PCED1B: variants seen among roughly 807,000 people sequenced by gnomAD.
PCED1B encodes PC-esterase domain containing 1B, also known as PC-esterase domain-containing protein 1B.
For synonymous variants in PCED1B, 251 were observed against 246.1 expected (o/e 1.02, Z -0.19); for missense variants, 573 against 573.9 (o/e 1.00, Z 0.02).
intron 2 of PCED1B, among the ~76,000 whole-genome samples, chr12:47,199,208 A>T (rs1292986583): frequency 1.3e-5 from 2 of 152,162 alleles, no homozygotes. Context: ...GGACCTATAT[A>T]AGGAAAACTA....
At chr12:47,211,913 A>C (rs1335891824) in intron 2 of PCED1B, among the ~76,000 whole-genome samples, 1 of 151,330 alleles carries the variant, frequency 6.6e-6, no homozygotes, top group Non-Finnish European at 1.5e-5. Flanking sequence ...GTCTCTACTA[A>C]AAATACAAAA....
chr12:47,200,721 C>T (rs1942737980), intron 2 of PCED1B, among the ~76,000 whole-genome samples: 1 of 152,238 alleles, frequency 6.6e-6, no homozygotes, highest in Non-Finnish European at 1.5e-5. Context: ...CACCAAATGC[C>T]TTGCTGATAT....
At chr12:47,130,230 C>T (rs1940068381) in intron 2 of PCED1B, among the ~76,000 whole-genome samples, 1 of 151,862 alleles carries the variant, frequency 6.6e-6, no homozygotes, top group Admixed American at 6.6e-5. Flanking sequence ...TAAAAAGTCA[C>T]TTAATATATT....
chr12:47,192,247 G>A (rs1225590158), intron 2 of PCED1B, among the ~76,000 whole-genome samples: 1 of 147,476 alleles, frequency 6.8e-6, no homozygotes, highest in African/African-American at 2.5e-5. Context: ...AATGCATGTT[G>A]ATTATAAGTA....
At chr12:47,169,407 T>C (rs547025680) in intron 2 of PCED1B, among the ~76,000 whole-genome samples, 98 of 152,200 alleles carry the variant, frequency 6.4e-4, no homozygotes, top group African/African-American at 2.3e-3. Context: ...TGTCAGAGTG[T>C]CCTTTCTGTA....
At chr12:47,129,754 G>C (rs951419943) in intron 2 of PCED1B, among the ~76,000 whole-genome samples, 2 of 152,188 alleles carry the variant, frequency 1.3e-5, no homozygotes, top group Non-Finnish European at 2.9e-5. Flanking sequence ...GAATCACAAG[G>C]TACAAAGGAT....
At chr12:47,214,820 G>C (rs1207763206) in intron 2 of PCED1B, among the ~76,000 whole-genome samples, 1 of 152,132 alleles carries the variant, frequency 6.6e-6, no homozygotes, top group Non-Finnish European at 1.5e-5. Context: ...GCTTTTCAGA[G>C]ATACTCTTGT....
intron 2 of PCED1B, among the ~76,000 whole-genome samples, chr12:47,184,114 C>T (rs868591964): frequency 3.9e-5 from 6 of 152,232 alleles, no homozygotes; most frequent in East Asian, 1.9e-4. Flanking sequence ...TGGGCTAAAG[C>T]GATTCTCCCA....
rs1053727967 is a variant in PCED1B, at chr12:47,117,526, C to CTCA, written c.-526+13334_-526+13336dup. 7.9e-5 allele frequency among the ~76,000 whole-genome samples: 12 copies of CTCA among 152,320 alleles called. No individual in the cohort carries two copies. In the East Asian group the frequency reaches 1.9e-3, roughly 25 times the overall value. On this transcript the variant is annotated intron_variant, in intron 2 of 3. Coordinates refer to ENST00000546455, the MANE Select transcript of PCED1B (RefSeq NM_138371.3). The stretch of plus-strand genomic sequence containing the variant: ...TCCATGTCCCTACAAAGGACATGAA[C>CTCA]TCATCCTTCTTTATGGCTGCATAGT...
In PCED1B at chr12:47,157,443, G is replaced by A. The variant is rs548956996; in HGVS notation, c.-526+53248G>A. Among the ~76,000 whole-genome samples the A allele has an allele frequency of 9.7e-4, 147 of 152,056 alleles. 1 individual carries two copies. The highest frequency in any genetic ancestry group is 3.4e-3 in the African/African-American group (143 of 41,476). On this transcript the variant is annotated intron_variant, in intron 2 of 3. Transcript: ENST00000546455. Reference sequence around the variant, plus strand: ...GTCTCTGTAAGAAACTTTAAAAATTGGCCAGGCATGGTTGTGTGTGCCTGC... The same window carrying A: ...GTCTCTGTAAGAAACTTTAAAAATTAGCCAGGCATGGTTGTGTGTGCCTGC...
At chr12:47,200,932 G>T (rs1447984717) in intron 2 of PCED1B, among the ~76,000 whole-genome samples, 1 of 152,200 alleles carries the variant, frequency 6.6e-6, no homozygotes, top group African/African-American at 2.4e-5. Context: ...ATAGACATTT[G>T]TTTGAAGTTA....
chr12:47,236,174 G>A lies in PCED1B; in HGVS notation c.1111G>A (p.Asp371Asn), dbSNP rs749019266. 3.1e-6 allele frequency: 5 copies of A among 1,614,104 alleles called. No individual in the cohort carries two copies. Among genetic ancestry groups the A allele is most frequent in the Non-Finnish European group, 2.5e-6 (3 of 1,180,022 alleles). Residue 371 changes from aspartate (D) to asparagine (N), a missense_variant, in exon 4 of 4, where the codon GAC becomes AAC. Asp to Asn is a conservative substitution (Grantham distance 23). Transcript: ENST00000546455. ...SSAHAGFFVE[D>N]NFMVGPQLPM... Reference sequence around the variant, plus strand: ...AGCCCATGCAGGTTTCTTCGTCGAAGACAATTTTATGGTTGGTCCTCAGCT... The same window carrying A: ...AGCCCATGCAGGTTTCTTCGTCGAAAACAATTTTATGGTTGGTCCTCAGCT...
intron 3 of PCED1B, among the ~76,000 whole-genome samples, chr12:47,217,505 AAAGAAAGAAAG>A (rs1162442648): frequency 8.6e-5 from 12 of 139,134 alleles, no homozygotes; most frequent in Admixed American, 8.2e-4. Flanking sequence ...AGAAAGAAAG[AAAGAAAGAAAG>A]AAGAAAGAGA....
chr12:47,130,329 A>G (rs917107484), intron 2 of PCED1B, among the ~76,000 whole-genome samples: 1 of 152,112 alleles, frequency 6.6e-6, no homozygotes, highest in Admixed American at 6.5e-5. Flanking sequence ...CTTAATCACA[A>G]TTGTTTTTGT....
At chr12:47,179,172 C>T (rs1592244871) in intron 2 of PCED1B, among the ~76,000 whole-genome samples, 1 of 152,254 alleles carries the variant, frequency 6.6e-6, no homozygotes, top group East Asian at 1.9e-4. Flanking sequence ...CTCCACCTTC[C>T]CCTTCTCTGC....
At chr12:47,127,369 CTTT>C (rs34788645) in intron 2 of PCED1B, among the ~76,000 whole-genome samples, 2 of 128,856 alleles carry the variant, frequency 1.6e-5, no homozygotes, top group Admixed American at 7.9e-5. Context: ...TTTTTTATTT[CTTT>C]TTTTTTTTTT....
chr12:47,182,447 TGG>T (rs568625930), intron 2 of PCED1B, among the ~76,000 whole-genome samples: 1 of 151,724 alleles, frequency 6.6e-6, no homozygotes, highest in Non-Finnish European at 1.5e-5. Context: ...AAAAATTAGC[TGG>T]GCGTGGTGGC....
chr12:47,133,150 T>G (rs1940201946), intron 2 of PCED1B, among the ~76,000 whole-genome samples: 1 of 152,208 alleles, frequency 6.6e-6, no homozygotes, highest in African/African-American at 2.4e-5. Context: ...TCCTGACCCT[T>G]TATTTTCATA....
At chr12:47,157,502 G>T (rs1941232479) in intron 2 of PCED1B, among the ~76,000 whole-genome samples, 2 of 152,134 alleles carry the variant, frequency 1.3e-5, no homozygotes, top group Admixed American at 1.3e-4. Flanking sequence ...AGGCAGGAAG[G>T]TCACGTGGCT....
Sources: gnomAD v4.1 joint callset for allele counts (sites outside exome capture counted in the v4.1 genomes callset) on GRCh38, gnomAD v4.1.1 for gene constraint, MANE v1.5 for transcripts, NCBI Gene and HGNC (gene_info 2026-07-23, HGNC 2026-07-21) for gene names.